CAST: variants seen among roughly 807,000 people sequenced by gnomAD.
CAST encodes the protein MIR583 host.
A neutral mutation model predicts 119.6 loss-of-function variants in CAST; 76 were observed. That is an observed-to-expected ratio of 0.64 (90% CI 0.53 to 0.77). The LOEUF (loss-of-function observed/expected upper bound fraction) is 0.77. CAST is among the 30% of genes least tolerant of loss of function. The pLI is 0.00. For synonymous variants in CAST, 319 were observed against 331.6 expected, an observed-to-expected ratio of 0.96 and a Z score of 0.41; for missense variants, 953 against 946.5, an observed-to-expected ratio of 1.01 and a Z score of -0.09.
At chr5:96,313,643 G>C in the CAST span, among the ~76,000 whole-genome samples, 4 of 152,128 alleles carry the variant, frequency 2.6e-5, no homozygotes, top group Admixed American at 2.6e-4. Flanking sequence ...GTGGACATAG[G>C]CTTTTAGTTC....
intron 1 of CAST, among the ~76,000 whole-genome samples, chr5:96,665,922 A>T (rs1022040685): frequency 6.6e-6 from 1 of 152,238 alleles, no homozygotes; most frequent in African/African-American, 2.4e-5. Context: ...GTACACATGC[A>T]TGTATAATAC....
chr5:96,168,406 T>C, the CAST span, among the ~76,000 whole-genome samples: 1 of 152,212 alleles, frequency 6.6e-6, no homozygotes, highest in Non-Finnish European at 1.5e-5. Flanking sequence ...TCTTTCTGCC[T>C]ATACAACAGC....
chr5:96,463,804 C>T, the CAST span, among the ~76,000 whole-genome samples: 1 of 152,046 alleles, frequency 6.6e-6, no homozygotes, highest in Admixed American at 6.6e-5. Flanking sequence ...CTAAACTCTC[C>T]TTCTCTTCCC....
chr5:96,240,359 G>C, the CAST span, among the ~76,000 whole-genome samples: 3 of 152,174 alleles, frequency 2.0e-5, no homozygotes, highest in Admixed American at 1.3e-4. Flanking sequence ...AATGTTGACT[G>C]TGCACAGTTT....
At chr5:96,121,308 A>G in the CAST span, among the ~76,000 whole-genome samples, 1 of 152,134 alleles carries the variant, frequency 6.6e-6, no homozygotes, top group Non-Finnish European at 1.5e-5. Flanking sequence ...AGTGTATGGC[A>G]CAGAATAGGC....
the CAST span, among the ~76,000 whole-genome samples, chr5:96,229,554 C>T: frequency 6.6e-6 from 1 of 152,130 alleles, no homozygotes; most frequent in Non-Finnish European, 1.5e-5. Context: ...CACAACAGTA[C>T]TGCAGGAGTG....
the CAST span, among the ~76,000 whole-genome samples, chr5:96,089,754 G>A: frequency 6.6e-6 from 1 of 152,142 alleles, no homozygotes; most frequent in South Asian, 2.1e-4. Context: ...GATTGAAGGA[G>A]ACTTACTTTT....
chr5:96,432,540 C>T, the CAST span, among the ~76,000 whole-genome samples: 1 of 152,234 alleles, frequency 6.6e-6, no homozygotes, highest in East Asian at 1.9e-4. Flanking sequence ...GAGTGTATCT[C>T]AAGTTCCCTG....
the CAST span, among the ~76,000 whole-genome samples, chr5:96,087,634 A>G: frequency 9.9e-5 from 15 of 152,210 alleles, no homozygotes; most frequent in African/African-American, 3.1e-4. Context: ...AAATCAATCA[A>G]TCACTCAATC....
At chr5:96,477,085 C>G in the CAST span, among the ~76,000 whole-genome samples, 1 of 150,446 alleles carries the variant, frequency 6.6e-6, no homozygotes, top group Admixed American at 6.7e-5. Flanking sequence ...CACACACACA[C>G]ACACACACAC....
At chr5:96,295,766 G>A in the CAST span, among the ~76,000 whole-genome samples, 2 of 152,194 alleles carry the variant, frequency 1.3e-5, no homozygotes, top group Non-Finnish European at 2.9e-5. Context: ...CCTATGAGAA[G>A]TGTCACGTAA....
At chr5:96,226,420 G>A in the CAST span, among the ~76,000 whole-genome samples, 1 of 152,174 alleles carries the variant, frequency 6.6e-6, no homozygotes, top group African/African-American at 2.4e-5. Context: ...GGAGGCTGAG[G>A]TGGGCAGATT....
chr5:96,282,292 A>G, the CAST span, among the ~76,000 whole-genome samples: 2 of 152,210 alleles, frequency 1.3e-5, no homozygotes, highest in African/African-American at 4.8e-5. Context: ...ATTCTGTTTT[A>G]TCCTGTGTCA....
At chr5:96,034,945 C>T in the CAST span, among the ~76,000 whole-genome samples, 1 of 150,264 alleles carries the variant, frequency 6.7e-6, no homozygotes, top group Non-Finnish European at 1.5e-5. Flanking sequence ...GATAGAGCTT[C>T]CTTCTTTTGT....
At chr5:96,370,150 T>C in the CAST span, among the ~76,000 whole-genome samples, 1 of 151,294 alleles carries the variant, frequency 6.6e-6, no homozygotes, top group Non-Finnish European at 1.5e-5. Flanking sequence ...TAGTTTATTA[T>C]ATATAATTAA....
the CAST span, among the ~76,000 whole-genome samples, chr5:96,383,899 A>C: frequency 1.1e-4 from 17 of 152,310 alleles, no homozygotes; most frequent in African/African-American, 3.8e-4. Flanking sequence ...ACTGGAGAAG[A>C]GTAAGTGGGC....
At chr5:96,486,215 G>C in the CAST span, among the ~76,000 whole-genome samples, 1 of 152,124 alleles carries the variant, frequency 6.6e-6, no homozygotes, top group Non-Finnish European at 1.5e-5. Flanking sequence ...ATGTGCACTA[G>C]AGCACCAAAG....
the CAST span, among the ~76,000 whole-genome samples, chr5:96,189,732 T>A: frequency 6.6e-6 from 1 of 152,194 alleles, no homozygotes. Context: ...ACTGCTTTTT[T>A]ATAAATTTTT....
At chr5:96,629,528 C>A (rs1433430460) in intron 1 of CAST, among the ~76,000 whole-genome samples, 1 of 152,240 alleles carries the variant, frequency 6.6e-6, no homozygotes, top group Non-Finnish European at 1.5e-5. Flanking sequence ...TCTTGTACCA[C>A]AAACTCTGTC....
Sources: gnomAD v4.1 joint callset for allele counts (sites outside exome capture counted in the v4.1 genomes callset) on GRCh38, gnomAD v4.1.1 for gene constraint, MANE v1.5 for transcripts, NCBI Gene and HGNC (gene_info 2026-07-23, HGNC 2026-07-21) for gene names.